FAM114A1: variants seen among roughly 807,000 people sequenced by gnomAD.
The protein encoded by FAM114A1 is protein NOXP20.
FAM114A1 carries 62 observed loss-of-function variants against 64.3 expected under a neutral mutation model. That is an observed-to-expected ratio of 0.96 (90% CI 0.79 to 1.19). FAM114A1 has a LOEUF of 1.19. Ranked by LOEUF, FAM114A1 falls within the 50% of genes most tolerant of loss-of-function variation. FAM114A1 has a pLI of 0.00. For missense variants in FAM114A1, 645 were observed against 676.3 expected (o/e 0.95, Z 0.51); for synonymous variants, 254 against 251.1 (o/e 1.01, Z -0.11).
At chr4:38,918,884 G>A (rs866153615) in intron 8 of FAM114A1, among the ~76,000 whole-genome samples, 1 of 152,196 alleles carries the variant, frequency 6.6e-6, no homozygotes. Flanking sequence ...GGGCACAGTG[G>A]CTCACGCCTG....
chr4:38,894,116 T>C (rs1716671453), intron 4 of FAM114A1, among the ~76,000 whole-genome samples: 1 of 142,332 alleles, frequency 7.0e-6, no homozygotes, highest in South Asian at 2.2e-4. Context: ...TGAACAGAGA[T>C]TACGCCCCTG....
At chr4:38,907,021 C>T (rs1435792895) in intron 6 of FAM114A1, among the ~76,000 whole-genome samples, 2 of 152,236 alleles carry the variant, frequency 1.3e-5, no homozygotes, top group East Asian at 3.9e-4. Flanking sequence ...AGGACTGAGG[C>T]GACTGAACAA....
Position 38,933,522 on chromosome 4 carries a change from T to A in FAM114A1, c.1463+1148T>A, listed in dbSNP as rs143601484. On this transcript the variant is annotated intron_variant, in intron 12 of 14. Transcript: ENST00000358869. Reference sequence around the variant, plus strand: ...GTATGTGTGCATGTATGTGTTGTCCTATATCATGTTCTTCAATAAATAATA... The same window carrying A: ...GTATGTGTGCATGTATGTGTTGTCCAATATCATGTTCTTCAATAAATAATA... Among the ~76,000 whole-genome samples, 344 of 152,364 alleles carry A rather than the reference T, an allele frequency of 2.3e-3. 1 individual carries two copies. Among genetic ancestry groups the A allele is most frequent in the South Asian group, 2.1e-3 (10 of 4,828 alleles).
intron 8 of FAM114A1, among the ~76,000 whole-genome samples, chr4:38,917,795 A>C (rs79892702): frequency 0.063 from 9,615 of 152,208 alleles, 776 homozygotes; most frequent in African/African-American, 0.18. Context: ...TTTGGAGGGG[A>C]ACAGTTTGCC....
intron 3 of FAM114A1, among the ~76,000 whole-genome samples, chr4:38,881,953 G>A (rs1715312014): frequency 6.6e-6 from 1 of 152,188 alleles, no homozygotes; most frequent in South Asian, 2.1e-4. Context: ...AAATAGCCAA[G>A]TGCAAAAGCC....
At chr4:38,940,887 A>T in intron 13 of FAM114A1, 81 bp from the exon 14 acceptor site, 1 of 1,424,754 alleles carries the variant, frequency 7.0e-7, no homozygotes, top group Non-Finnish European at 9.9e-7. Context: ...TCCCTCAACA[A>T]AGCTAGTGTA....
rs780291277 is a variant in FAM114A1 at position 38,877,629 on chromosome 4, G to C, written c.-8-442G>C. Among the ~76,000 whole-genome samples the C allele has an allele frequency of 3.9e-5, 6 of 152,196 alleles. No individual in the cohort carries two copies. The South Asian group carries it at 6.2e-4, about 16-fold the overall frequency. ...ATGGACTGGTACAAGGAATAATGCA[G>C]GGTTGGGGACCCACAAGGTTACATA... On this transcript the variant is annotated intron_variant, in intron 2 of 14. Coordinates refer to ENST00000358869, the MANE Select transcript of FAM114A1 (RefSeq NM_138389.4).
intron 9 of FAM114A1, among the ~76,000 whole-genome samples, chr4:38,924,538 C>T (rs1185838605): frequency 2.0e-5 from 3 of 152,204 alleles, no homozygotes; most frequent in Admixed American, 2.0e-4. Context: ...CACCCTTTCC[C>T]TCTTTAGCTC....
chr4:38,914,816 C>A, intron 7 of FAM114A1, 105 bp from the exon 8 acceptor site: 1 of 1,263,730 alleles, frequency 7.9e-7, no homozygotes, highest in South Asian at 1.7e-5. Context: ...CAGAATCTCC[C>A]CCTCTCCAAC....
chr4:38,891,789 C>G lies in FAM114A1; in HGVS notation c.395C>G (p.Ser132Cys), dbSNP rs1716427479. 3.7e-6 allele frequency: 6 copies of G among 1,612,722 alleles called. No individual in the cohort carries two copies. Among genetic ancestry groups the G allele is most frequent in the Non-Finnish European group, 4.2e-6 (5 of 1,179,386 alleles). ...PSGGGWAGWGSWGKSLLSSAS... is the reference protein window; with the variant it reads ...PSGGGWAGWGCWGKSLLSSAS... ...GGAGGAGGATGGGCAGGCTGGGGATCCTGGGGCAAATCTCTGCTGTCGTCA... is the reference window on the plus strand; with the variant it reads ...GGAGGAGGATGGGCAGGCTGGGGATGCTGGGGCAAATCTCTGCTGTCGTCA... Residue 132 changes from serine to cysteine, a missense_variant, in exon 4 of 15, where the codon TCC becomes TGC. Ser to Cys is a moderately radical substitution (Grantham distance 112, BLOSUM62 -1). Coordinates refer to ENST00000358869, the MANE Select transcript of FAM114A1 (RefSeq NM_138389.4).
rs1718890428 is a variant in FAM114A1, at chr4:38,914,935, TAAGGAG to T, written c.817_822del (p.Glu273_Lys274del). 1.9e-6 allele frequency: 3 copies of T among 1,613,872 alleles called. No individual in the cohort carries two copies. Among genetic ancestry groups the T allele is most frequent in the African/African-American group, 1.3e-5 (1 of 74,964 alleles). ...TATTTCTGCAGATGTTAAGGGAAGCTAAGGAGAAGGAGAAGCAGAGACTGGCACAGC... is the reference window on the plus strand; with the variant it reads ...TATTTCTGCAGATGTTAAGGGAAGCTAAGGAGAAGCAGAGACTGGCACAGC... On this transcript the variant is annotated inframe_deletion, in exon 8 of 15. Transcript: ENST00000358869.
In FAM114A1 at chr4:38,899,855, T is replaced by G. The variant is rs138179777; in HGVS notation, c.437-5667T>G. 2.3e-3 allele frequency among the ~76,000 whole-genome samples: 357 copies of G among 152,316 alleles called. 1 individual carries two copies. Among genetic ancestry groups the G allele is most frequent in the African/African-American group, 8.1e-3 (335 of 41,578 alleles). ...TCCAATATTACATTTTGAATACATT[T>G]AAGTAAATATTAATTACTATCTAAT... On this transcript the variant is annotated intron_variant, in intron 4 of 14. Coordinates refer to ENST00000358869, the MANE Select transcript of FAM114A1 (RefSeq NM_138389.4).
intron 14 of FAM114A1, among the ~76,000 whole-genome samples, chr4:38,941,986 G>A (rs1721610809): frequency 6.6e-6 from 1 of 152,170 alleles, no homozygotes; most frequent in African/African-American, 2.4e-5. Flanking sequence ...AGGCCTCACA[G>A]TCATGGTGGT....
chr4:38,941,802 A>G (rs367832512), intron 14 of FAM114A1, among the ~76,000 whole-genome samples: 2 of 152,214 alleles, frequency 1.3e-5, no homozygotes, highest in Non-Finnish European at 1.5e-5. Flanking sequence ...CAATGCATAT[A>G]TCATAGGATT....
intron 12 of FAM114A1, among the ~76,000 whole-genome samples, chr4:38,935,269 T>C (rs1243024060): frequency 6.6e-6 from 1 of 152,156 alleles, no homozygotes; most frequent in African/African-American, 2.4e-5. Flanking sequence ...GAAATAATAA[T>C]ATAACCCATA....
rs777569993 is a variant in FAM114A1, at chr4:38,929,308, C to T, written c.1136C>T (p.Ala379Val). ...GAGCTTCTCTTTGAATTACATGTGG[C>T]GGCCACACCTGACAAACTCAATAAG... ...LTELLFELHV[A>V]ATPDKLNKAM... The change falls in exon 10 of 15, where the codon GCG (alanine) becomes GTG (valine). Residue 379 changes from alanine to valine, a missense_variant. Coordinates refer to ENST00000358869, the MANE Select transcript of FAM114A1 (RefSeq NM_138389.4). The T allele has an allele frequency of 5.0e-6, 8 of 1,613,460 alleles. No individual in the cohort carries two copies. The highest frequency in any genetic ancestry group is 3.3e-5 in the Admixed American group (2 of 60,000).
chr4:38,870,737 C>T (rs1465214792), intron 2 of FAM114A1, among the ~76,000 whole-genome samples: 1 of 152,158 alleles, frequency 6.6e-6, no homozygotes, highest in Admixed American at 6.5e-5. Flanking sequence ...GCTTATGGAA[C>T]ACCCAGACGG....
At position 38,932,274 on chromosome 4, in the gene FAM114A1, A is replaced by G. The variant is rs1720709996; in HGVS notation, c.1363A>G (p.Thr455Ala). The part of the protein sequence containing the change: ...MSSIESLAEV[T>A]ARCIEQLHKV... ...GTCCATTGAAAGTCTGGCGGAGGTA[A>G]CAGCGCGCTGTATTGAGCAGCTTCA... The change falls in exon 12 of 15, where the codon ACA becomes GCA. Residue 455 changes from threonine (T) to alanine (A), a missense_variant. By Grantham distance (58) the Thr-to-Ala change is moderately conservative (BLOSUM62 0). Transcript: ENST00000358869. 6.2e-7 allele frequency: 1 copy of G among 1,610,656 alleles called. No homozygotes were observed.
chr4:38,942,406 AG>A (rs951018178), intron 14 of FAM114A1, among the ~76,000 whole-genome samples: 1 of 152,152 alleles, frequency 6.6e-6, no homozygotes, highest in Non-Finnish European at 1.5e-5. Context: ...CAGGTCTTGG[AG>A]GAACAGACAT....
Sources: gnomAD v4.1 joint callset for allele counts (sites outside exome capture counted in the v4.1 genomes callset) on GRCh38, gnomAD v4.1.1 for gene constraint, MANE v1.5 for transcripts, NCBI Gene and HGNC (gene_info 2026-07-23, HGNC 2026-07-21) for gene names.